Variants in BEAN1 observed in about 807,000 individuals in gnomAD.
BEAN1 encodes the protein brain expressed associated with NEDD4 1, also known as protein BEAN1.
Under a neutral mutation model 17.7 loss-of-function variants are expected in BEAN1, and 17 were observed. That is an observed-to-expected ratio of 0.96 (90% CI 0.66 to 1.44). The LOEUF is 1.44. Ranked by LOEUF, BEAN1 falls within the 40% of genes most tolerant of loss-of-function variation. BEAN1 has a pLI of 0.00. For synonymous variants in BEAN1, 142 were observed against 151.8 expected (o/e 0.94, Z 0.47); for missense variants, 359 against 374.1 (o/e 0.96, Z 0.33).
intron 2 of BEAN1, among the ~76,000 whole-genome samples, chr16:66,455,631 G>A (rs957982138): frequency 5.3e-5 from 8 of 152,032 alleles, no homozygotes; most frequent in African/African-American, 1.9e-4. Context: ...GCCTTACCTA[G>A]GGATACTGAG....
intron 4 of BEAN1, among the ~76,000 whole-genome samples, chr16:66,478,474 C>A (rs1031441040): frequency 6.6e-6 from 1 of 152,080 alleles, no homozygotes; most frequent in Non-Finnish European, 1.5e-5. Context: ...TGGTGGCGGG[C>A]GCCTGTAGTC....
chr16:66,466,444 A>T (rs1395230268), intron 2 of BEAN1, among the ~76,000 whole-genome samples: 1 of 152,124 alleles, frequency 6.6e-6, no homozygotes, highest in Non-Finnish European at 1.5e-5. Flanking sequence ...TCTTCCCAGT[A>T]TCTTAAGGTA....
chr16:66,494,447 G>T (rs749771511), downstream of BEAN1, among the ~76,000 whole-genome samples: 4 of 152,090 alleles, frequency 2.6e-5, no homozygotes, highest in Non-Finnish European at 5.9e-5. Flanking sequence ...GTGAGGTGAG[G>T]TGTGCTCAGT....
At chr16:66,480,461 G>A (rs1363742286) in intron 4 of BEAN1, 125 bp from the exon 5 acceptor site, 14 of 724,148 alleles carry the variant, frequency 1.9e-5, no homozygotes, top group Admixed American at 6.5e-5. Flanking sequence ...TGGAGCCAGC[G>A]TGGACAAGGC....
At chr16:66,428,892 G>A (rs1191744419) in intron 1 of BEAN1, among the ~76,000 whole-genome samples, 1 of 152,184 alleles carries the variant, frequency 6.6e-6, no homozygotes, top group South Asian at 2.1e-4. Context: ...TTTCTCAGAC[G>A]CTCCCTCCTC....
chr16:66,428,026 G>A (rs1423165754), intron 1 of BEAN1: 1 of 152,170 alleles, frequency 6.6e-6, no homozygotes, highest in East Asian at 1.9e-4. Context: ...CGGAGAGAGA[G>A]CGCGCCCTCC....
At chr16:66,470,042 C>CA (rs1963417892) in intron 3 of BEAN1, 177 bp downstream of exon 3, 2 of 850,816 alleles carry the variant, frequency 2.4e-6, no homozygotes, top group Non-Finnish European at 3.5e-6. Context: ...TTCTCGGTGA[C>CA]ATGAGAGGCC....
rs1255598455 is a variant in BEAN1 at position 66,473,506 on chromosome 16, G to A, written c.289+3641G>A. 6.6e-6 allele frequency among the ~76,000 whole-genome samples: 1 copy of A among 152,048 alleles called. No homozygotes were observed. Among genetic ancestry groups the A allele is most frequent in the Non-Finnish European group, 1.5e-5 (1 of 68,006 alleles). ...GCCTTGGGAGGGTGCCAGGGAAGAG[G>A]GAAACGCACTGTGAGCAGCTGTGGG... On this transcript the variant is annotated intron_variant, in intron 3 of 4. Transcript: ENST00000536005. The surrounding 1 kb of genome is among the most constrained non-coding windows in gnomAD (Gnocchi z 4.5).
intron 2 of BEAN1, among the ~76,000 whole-genome samples, chr16:66,456,341 A>G (rs576619971): frequency 1.3e-5 from 2 of 152,378 alleles, no homozygotes; most frequent in Admixed American, 1.3e-4. Context: ...GATTTTGAGT[A>G]GCAAAATGCA....
At chr16:66,459,561 T>C (rs917233607) in intron 2 of BEAN1, among the ~76,000 whole-genome samples, 2 of 152,084 alleles carry the variant, frequency 1.3e-5, no homozygotes, top group Non-Finnish European at 2.9e-5. Flanking sequence ...CCTCAGGTGG[T>C]CCACCCACCT....
intron 2 of BEAN1, among the ~76,000 whole-genome samples, chr16:66,438,747 G>C (rs1962132015): frequency 6.6e-6 from 1 of 152,050 alleles, no homozygotes; most frequent in South Asian, 2.1e-4. Flanking sequence ...CCTTGCCCCA[G>C]GGCCCCTTTC....
At chr16:66,494,402 G>A (rs565696853), downstream of BEAN1, among the ~76,000 whole-genome samples, 33 of 152,276 alleles carry the variant, frequency 2.2e-4, no homozygotes, top group Non-Finnish European at 1.6e-4. Flanking sequence ...AGTGACTATG[G>A]TCAGACCTCC....
chr16:66,461,546 G>C (rs1009668281), intron 2 of BEAN1, among the ~76,000 whole-genome samples: 1 of 150,926 alleles, frequency 6.6e-6, no homozygotes, highest in Admixed American at 6.6e-5. Flanking sequence ...GGTTCTGCGT[G>C]CTGTGCAGGG....
intron 2 of BEAN1, among the ~76,000 whole-genome samples, chr16:66,438,558 C>T (rs1242609955): frequency 6.6e-6 from 1 of 152,174 alleles, no homozygotes; most frequent in African/African-American, 2.4e-5. Flanking sequence ...AGCATCCCCA[C>T]CATGAAGTTC....
downstream of BEAN1, chr16:66,484,910 C>T (rs1361346400): frequency 4.4e-6 from 2 of 454,066 alleles, no homozygotes; most frequent in Admixed American, 2.3e-5. The surrounding 1 kb of genome is among the most constrained non-coding windows in gnomAD (Gnocchi z 4.2). Context: ...TTGTGGAGGC[C>T]AAATGGGCTC....
rs762573090 is a variant in BEAN1 at position 66,480,862 on chromosome 16, G to A, written c.717G>A (p.Arg239=). 9 of 1,489,676 alleles carry A rather than the reference G, an allele frequency of 6.0e-6. No homozygotes were observed. The highest frequency in any genetic ancestry group is 1.3e-5 in the South Asian group (1 of 75,758). 92.3% of individuals were successfully genotyped at this position (1,489,676 alleles called of 1,614,324 possible). A position where few individuals can be genotyped will look rare whatever the true frequency, so the allele number is the denominator to read the frequency against. Residue 239 remains arginine, a synonymous_variant, in exon 5 of 5, where the codon AGG becomes AGA. Coordinates refer to ENST00000536005, the MANE Select transcript of BEAN1 (RefSeq NM_001178020.3). ...LPLPGPDPGP[R]GSQGSPTPTR... is the part of the protein sequence containing the mutation. Reference sequence around the variant, plus strand: ...TGCCGGGCCCAGACCCAGGGCCAAGGGGCTCCCAGGGCTCACCCACCCCAA... The same window carrying A: ...TGCCGGGCCCAGACCCAGGGCCAAGAGGCTCCCAGGGCTCACCCACCCCAA...
At chr16:66,446,206 G>A (rs1013357135) in intron 2 of BEAN1, among the ~76,000 whole-genome samples, 13 of 152,056 alleles carry the variant, frequency 8.5e-5, no homozygotes, top group African/African-American at 2.9e-4. Flanking sequence ...AAAAAAAAAA[G>A]GGGGGACAGT....
chr16:66,480,773 A>G lies in BEAN1; in HGVS notation c.628A>G (p.Met210Val). The G allele has an allele frequency of 6.4e-7, 1 of 1,551,128 alleles. No homozygotes were observed. Among genetic ancestry groups the G allele is most frequent in the South Asian group, 1.2e-5 (1 of 84,008 alleles). ...PAQGGLHTVS[M>V]DTLPPYEAVC... The stretch of plus-strand genomic sequence containing the variant: ...CCAAGGTGGCCTTCACACGGTCTCC[A>G]TGGACACCCTTCCCCCCTACGAGGC... The change falls in exon 5 of 5, where the codon ATG (methionine) becomes GTG (valine). Residue 210 changes from methionine to valine, a missense_variant. Met to Val is a conservative substitution (Grantham distance 21). Transcript: ENST00000536005.
intron 3 of BEAN1, chr16:66,475,971 G>T (rs1341790625): frequency 1.3e-5 from 2 of 152,106 alleles, no homozygotes; most frequent in African/African-American, 2.4e-5. Context: ...TGAGCCGGGC[G>T]TGGTGGCGGG....
Sources: gnomAD v4.1 joint callset for allele counts (sites outside exome capture counted in the v4.1 genomes callset) on GRCh38, gnomAD v4.1.1 for gene constraint, Gnocchi (gnomAD v3.1) non-coding constraint, MANE v1.5 for transcripts, NCBI Gene and HGNC (gene_info 2026-07-23, HGNC 2026-07-21) for gene names.